Variants in FOCAD observed in about 807,000 individuals in gnomAD.
FOCAD encodes KIAA1797.
Under a neutral mutation model 225.6 loss-of-function variants are expected in FOCAD, and 198 were observed. The ratio of observed to expected loss-of-function variants is 0.88; its 90% CI spans 0.78 to 0.99. FOCAD has a LOEUF of 0.99. Among genes scored for constraint, FOCAD ranks in the 50% least tolerant of loss-of-function variants. The probability of loss-of-function intolerance (pLI) is 0.00; values close to 1 mark genes in which losing one functional copy is unlikely to be tolerated. For missense variants in FOCAD, 2,713 were observed against 2,123.6 expected (o/e 1.28, Z -5.46); for synonymous variants, 897 against 755.0 (o/e 1.19, Z -3.08).
intron 7 of FOCAD, among the ~76,000 whole-genome samples, chr9:20,767,068 T>G (rs12345297): frequency 2.0e-5 from 3 of 150,338 alleles, no homozygotes; most frequent in Admixed American, 6.6e-5. Context: ...AGTGAGAATA[T>G]GTGGTGTTTG....
intron 6 of FOCAD, among the ~76,000 whole-genome samples, chr9:20,763,854 G>A (rs894442277): frequency 6.6e-6 from 1 of 152,096 alleles, no homozygotes; most frequent in Middle Eastern, 3.2e-3. Flanking sequence ...TGATCATTCC[G>A]GTGTTTTAGT....
intron 11 of FOCAD, among the ~76,000 whole-genome samples, chr9:20,805,852 A>G (rs192428164): frequency 1.3e-5 from 2 of 152,348 alleles, no homozygotes; most frequent in Admixed American, 1.3e-4. Flanking sequence ...TTTGTAAAAT[A>G]GGAGATAGAA....
At chr9:20,754,545 T>C (rs1474020567) in intron 5 of FOCAD, among the ~76,000 whole-genome samples, 2 of 145,032 alleles carry the variant, frequency 1.4e-5, no homozygotes, top group African/African-American at 2.6e-5. Context: ...ACTGGAAGCA[T>C]AGTGTTTTTT....
chr9:20,795,988 C>T (rs1281536217), intron 11 of FOCAD, among the ~76,000 whole-genome samples: 34 of 151,562 alleles, frequency 2.2e-4, no homozygotes, highest in African/African-American at 5.8e-4. Flanking sequence ...CAACAGGCCC[C>T]GGTGTGTGAT....
chr9:20,832,865 G>A (rs923255119), intron 15 of FOCAD, among the ~76,000 whole-genome samples: 16 of 151,944 alleles, frequency 1.1e-4, no homozygotes, highest in African/African-American at 3.9e-4. Context: ...GGACACTTAG[G>A]TTGTTTCCAT....
chr9:20,946,509 A>G (rs1224105502), intron 29 of FOCAD, among the ~76,000 whole-genome samples, 192 bp from the exon 30 acceptor site: 2 of 152,224 alleles, frequency 1.3e-5, no homozygotes, highest in East Asian at 1.9e-4. Flanking sequence ...AGGAATAATC[A>G]TACCCATCAT....
intron 26 of FOCAD, among the ~76,000 whole-genome samples, chr9:20,928,284 T>C (rs1006344940): frequency 3.3e-5 from 5 of 152,236 alleles, no homozygotes; most frequent in African/African-American, 9.6e-5. Context: ...TAAAAGTCAC[T>C]TTATTTCATG....
intron 11 of FOCAD, among the ~76,000 whole-genome samples, chr9:20,809,755 G>A (rs749368556): frequency 6.6e-6 from 1 of 152,068 alleles, no homozygotes; most frequent in Admixed American, 6.6e-5. Flanking sequence ...TTGAGATGGG[G>A]GACTGTCTTT....
chr9:20,671,813 C>T (rs980138639), intron 2 of FOCAD, among the ~76,000 whole-genome samples: 10 of 152,196 alleles, frequency 6.6e-5, no homozygotes, highest in African/African-American at 2.4e-4. Flanking sequence ...CATACACAGA[C>T]ACCTAAATCA....
intron 7 of FOCAD, among the ~76,000 whole-genome samples, chr9:20,767,487 T>C (rs1400731611): frequency 2.0e-5 from 3 of 151,316 alleles, no homozygotes; most frequent in Non-Finnish European, 4.4e-5. Context: ...CCAGCACCTG[T>C]TGTTTCCTGA....
chr9:20,743,437 C>G (rs1197503451), intron 5 of FOCAD, among the ~76,000 whole-genome samples: 1 of 152,212 alleles, frequency 6.6e-6, no homozygotes, highest in African/African-American at 2.4e-5. Context: ...CAACAGAATA[C>G]TTGGTCATCT....
chr9:20,975,626 G>A (rs182313405), intron 35 of FOCAD, among the ~76,000 whole-genome samples: 1 of 152,180 alleles, frequency 6.6e-6, no homozygotes. Context: ...ACTTAATTTG[G>A]AAAACTAGAT....
chr9:20,993,210 G>T (rs376380938), intron 42 of FOCAD, 43 bp from the exon 43 acceptor site: 2 of 1,501,640 alleles, frequency 1.3e-6, no homozygotes, highest in Non-Finnish European at 1.9e-6. Context: ...TTTGCTGATG[G>T]TAGGATTCTC....
chr9:20,884,169 C>T (rs1356820508), intron 20 of FOCAD, among the ~76,000 whole-genome samples: 1 of 152,100 alleles, frequency 6.6e-6, no homozygotes. Flanking sequence ...AAACAGTTCA[C>T]AAAGTCAAGA....
chr9:20,712,730 C>CAT (rs1824959432), intron 1 of FOCAD, among the ~76,000 whole-genome samples: 1 of 93,340 alleles, frequency 1.1e-5, no homozygotes, highest in Non-Finnish European at 1.9e-5. Flanking sequence ...CTCCTATATT[C>CAT]TTTTTTTTTT....
intron 22 of FOCAD, among the ~76,000 whole-genome samples, chr9:20,912,441 T>A (rs985829281): frequency 6.6e-6 from 1 of 152,112 alleles, no homozygotes; most frequent in Non-Finnish European, 1.5e-5. Flanking sequence ...GAATCTTAAG[T>A]GTTACATACT....
At chr9:20,699,710 C>T (rs1823682576) in intron 1 of FOCAD, among the ~76,000 whole-genome samples, 2 of 124,012 alleles carry the variant, frequency 1.6e-5, no homozygotes, top group South Asian at 5.3e-4. Context: ...TGCTCTCCAC[C>T]CTGGGCTACA....
intron 27 of FOCAD, among the ~76,000 whole-genome samples, chr9:20,930,374 A>G (rs756597604): frequency 2.6e-4 from 40 of 152,332 alleles, no homozygotes; most frequent in Non-Finnish European, 4.6e-4. Context: ...CAATATGAAT[A>G]CTTGCTTATC....
At chr9:20,662,096 G>C (rs1357545415) in intron 2 of FOCAD, among the ~76,000 whole-genome samples, 1 of 152,196 alleles carries the variant, frequency 6.6e-6, no homozygotes, top group Non-Finnish European at 1.5e-5. Flanking sequence ...TCTACAAGTA[G>C]TGGATGGGAC....
Sources: allele counts gnomAD v4.1 joint callset (sites outside exome capture counted in the v4.1 genomes callset), GRCh38; gene constraint gnomAD v4.1.1; transcripts MANE v1.5; gene names NCBI Gene and HGNC (gene_info 2026-07-23, HGNC 2026-07-21).